SMIM31: variants seen among roughly 807,000 people sequenced by gnomAD.
The protein encoded by SMIM31 is human epithelial cell program regulator.
chr4:164,756,379 G>C (rs1010779304), intron 1 of SMIM31, among the ~76,000 whole-genome samples: 1 of 151,988 alleles, frequency 6.6e-6, no homozygotes, highest in African/African-American at 2.4e-5. Flanking sequence ...GACCATCCTG[G>C]CTAACATGGT....
At chr4:164,785,337 A>T (rs925834020) in intron 2 of SMIM31, among the ~76,000 whole-genome samples, 1 of 152,132 alleles carries the variant, frequency 6.6e-6, no homozygotes, top group African/African-American at 2.4e-5. Flanking sequence ...TTCTTTAACT[A>T]TTTTTTTGCT....
intron 1 of SMIM31, among the ~76,000 whole-genome samples, chr4:164,756,891 G>T (rs1732569758): frequency 6.6e-6 from 1 of 152,196 alleles, no homozygotes; most frequent in Non-Finnish European, 1.5e-5. Context: ...TGCTATGGGA[G>T]ATAAGTGTTT....
At chr4:164,793,858 G>T (rs1052623744) in intron 2 of SMIM31, among the ~76,000 whole-genome samples, 1 of 151,938 alleles carries the variant, frequency 6.6e-6, no homozygotes, top group Admixed American at 6.6e-5. Flanking sequence ...ACTCAAAATG[G>T]GTTAAAGATC....
chr4:164,785,620 A>G, intron 2 of SMIM31, among the ~76,000 whole-genome samples: 1 of 148,806 alleles, frequency 6.7e-6, no homozygotes, highest in East Asian at 2.0e-4. Flanking sequence ...ATATATTTAC[A>G]TAATCTTTAA....
chr4:164,780,171 TA>T (rs1732928576), intron 2 of SMIM31, among the ~76,000 whole-genome samples: 1 of 152,184 alleles, frequency 6.6e-6, no homozygotes, highest in Non-Finnish European at 1.5e-5. Context: ...CTCACACCTA[TA>T]ATCCCAGCAC....
At chr4:164,755,200 C>A (rs1323085545) in intron 1 of SMIM31, among the ~76,000 whole-genome samples, 1 of 151,514 alleles carries the variant, frequency 6.6e-6, no homozygotes, top group Non-Finnish European at 1.5e-5. Flanking sequence ...ACAGCCACAG[C>A]CAGGCACGGT....
intron 1 of SMIM31, among the ~76,000 whole-genome samples, chr4:164,756,579 A>T (rs906507483): frequency 3.3e-4 from 49 of 147,930 alleles, no homozygotes; most frequent in East Asian, 1.2e-3. Flanking sequence ...CTCAAAAAAA[A>T]AATAATAATA....
chr4:164,755,906 A>T (rs1732555075), intron 1 of SMIM31, among the ~76,000 whole-genome samples: 1 of 152,130 alleles, frequency 6.6e-6, no homozygotes, highest in Non-Finnish European at 1.5e-5. Context: ...GAACATCCAA[A>T]TGCCTTCCAT....
chr4:164,792,688 T>G (rs1314029447), intron 2 of SMIM31, among the ~76,000 whole-genome samples: 1 of 152,180 alleles, frequency 6.6e-6, no homozygotes, highest in Non-Finnish European at 1.5e-5. Flanking sequence ...CACATAAAAA[T>G]CCAAATACTA....
intron 2 of SMIM31, among the ~76,000 whole-genome samples, chr4:164,770,791 T>C (rs983395943): frequency 6.6e-6 from 1 of 150,774 alleles, no homozygotes; most frequent in Non-Finnish European, 1.5e-5. Context: ...AAAAAAATTC[T>C]GTAGAAGTCT....
At chr4:164,794,213 CAA>C (rs928512461) in intron 2 of SMIM31, among the ~76,000 whole-genome samples, 14 of 151,728 alleles carry the variant, frequency 9.2e-5, no homozygotes, top group Non-Finnish European at 2.1e-4. Flanking sequence ...CCCATCTCTA[CAA>C]AAAATTTTAA....
At chr4:164,776,280 G>A (rs983438326) in intron 2 of SMIM31, among the ~76,000 whole-genome samples, 2 of 151,898 alleles carry the variant, frequency 1.3e-5, no homozygotes, top group East Asian at 1.9e-4. Context: ...TTGTACTATT[G>A]GTTATGTTTA....
chr4:164,770,641 T>C, intron 2 of SMIM31, 86 bp downstream of exon 2: 1 of 397,670 alleles, frequency 2.5e-6, no homozygotes, highest in Non-Finnish European at 4.4e-6. Flanking sequence ...TGGGATTTGG[T>C]TTGGTTTCTA....
chr4:164,768,096 G>A lies in SMIM31; in HGVS notation c.-25-2323G>A, dbSNP rs146667128. Among the ~76,000 whole-genome samples the A allele has an allele frequency of 6.6e-3, 997 of 151,950 alleles. 4 individuals are homozygous for A. Among genetic ancestry groups the A allele is most frequent in the Non-Finnish European group, 0.011 (754 of 67,982 alleles). ...AAAAAAATCAAAAAATTCGCTGGGC[G>A]TAACAGTGCATGCCTGTAGCCCCCA... On this transcript the variant is annotated intron_variant, in intron 1 of 2. Coordinates refer to ENST00000507311, the MANE Select transcript of SMIM31 (RefSeq NM_001352885.1).
Position 164,772,716 on chromosome 4 carries a change from C to T in SMIM31, c.112+2161C>T, listed in dbSNP as rs549149928. ...GCCTCAGCCTCCCGTGTAGCTGGGA[C>T]TACAGGCGCCCGCCACCACGCCCGG... On this transcript the variant is annotated intron_variant, in intron 2 of 2. Transcript: ENST00000507311. 6.5e-3 allele frequency among the ~76,000 whole-genome samples: 981 copies of T among 151,652 alleles called. 12 individuals are homozygous for T. Among genetic ancestry groups the T allele is most frequent in the African/African-American group, 0.022 (927 of 41,424 alleles).
chr4:164,756,373 A>G (rs1487450666), intron 1 of SMIM31, among the ~76,000 whole-genome samples: 4 of 152,142 alleles, frequency 2.6e-5, no homozygotes, highest in Non-Finnish European at 5.9e-5. Flanking sequence ...GATCAAGACC[A>G]TCCTGGCTAA....
At chr4:164,792,325 G>A (rs964059008) in intron 2 of SMIM31, among the ~76,000 whole-genome samples, 1 of 152,168 alleles carries the variant, frequency 6.6e-6, no homozygotes, top group African/African-American at 2.4e-5. Context: ...TTGACAAAAG[G>A]AGTGTTCTGA....
At position 164,771,030 on chromosome 4, in the gene SMIM31, C is replaced by T. The variant is rs1334851141; in HGVS notation, c.112+475C>T. The stretch of plus-strand genomic sequence containing the variant: ...TTGTGTATATGTGTGTGTAAATATA[C>T]AATTAGGAAATTATGTATATTCATA... On this transcript the variant is annotated intron_variant, in intron 2 of 2. Transcript: ENST00000507311. Among the ~76,000 whole-genome samples, 5 of 152,186 alleles carry T rather than the reference C, an allele frequency of 3.3e-5. No individual in the cohort carries two copies. The South Asian group carries it at 6.2e-4, about 19-fold the overall frequency.
intron 2 of SMIM31, among the ~76,000 whole-genome samples, chr4:164,800,434 C>G (rs906492275): frequency 2.0e-5 from 3 of 152,082 alleles, no homozygotes; most frequent in African/African-American, 7.2e-5. Flanking sequence ...TTTTGAACTC[C>G]TGGGTTCAAG....
Sources: gnomAD v4.1 joint callset for allele counts (sites outside exome capture counted in the v4.1 genomes callset) on GRCh38, gnomAD v4.1.1 for gene constraint, MANE v1.5 for transcripts, NCBI Gene and HGNC (gene_info 2026-07-23, HGNC 2026-07-21) for gene names.